Variants in SULT1E1 observed in about 807,000 individuals in gnomAD.
The protein encoded by SULT1E1 is sulfotransferase 1E1.
In SULT1E1, 36 loss-of-function variants were observed where a neutral mutation model predicts 33.6. The observed-to-expected ratio is 1.07, with a 90% CI of 0.82 to 1.41. The LOEUF is 1.41. Among genes scored for constraint, SULT1E1 ranks in the 40% most tolerant of loss-of-function variants. The pLI is 0.00. For missense variants in SULT1E1, 371 were observed against 345.7 expected, an observed-to-expected ratio of 1.07 and a Z score of -0.58; for synonymous variants, 121 against 111.7, an observed-to-expected ratio of 1.08 and a Z score of -0.53.
chr4:69,853,316 A>G (rs1224613691), intron 4 of SULT1E1, among the ~76,000 whole-genome samples: 4 of 152,118 alleles, frequency 2.6e-5, no homozygotes, highest in Non-Finnish European at 5.9e-5. Context: ...GACAGTGTAA[A>G]CCGTCAGCTT....
chr4:69,837,199 T>C (rs1383925196), downstream of SULT1E1, among the ~76,000 whole-genome samples: 3 of 152,186 alleles, frequency 2.0e-5, no homozygotes, highest in Non-Finnish European at 4.4e-5. Flanking sequence ...ATGTGTGATT[T>C]TTGGATAATT....
the SULT1E1 span, among the ~76,000 whole-genome samples, chr4:69,827,411 C>A: frequency 2.6e-5 from 4 of 152,128 alleles, no homozygotes; most frequent in Non-Finnish European, 5.9e-5. Flanking sequence ...TCGCAAACAT[C>A]TGTTGACCCG....
downstream of SULT1E1, among the ~76,000 whole-genome samples, chr4:69,836,854 G>C (rs1720805231): frequency 6.6e-6 from 1 of 150,902 alleles, no homozygotes; most frequent in African/African-American, 2.5e-5. Flanking sequence ...ATTGGAGATT[G>C]AAATATAGAC....
rs781312745 is a variant in SULT1E1, at chr4:69,849,569, AG to A, written c.370-7del. On this transcript the variant is annotated splice_region_variant and splice_polypyrimidine_tract_variant and intron_variant, in intron 4 of 7. Transcript: ENST00000226444. Reference sequence around the variant, plus strand: ...TTCCGGCAAAGATAGATTATCTAAGAGGATGAAATTGTATATTAAACCACTT... The same window carrying A: ...TTCCGGCAAAGATAGATTATCTAAGAGATGAAATTGTATATTAAACCACTT... The A allele has an allele frequency of 1.3e-6, 2 of 1,590,260 alleles. No individual in the cohort carries two copies. The highest frequency in any genetic ancestry group is 2.3e-5 in the South Asian group (2 of 87,076).
chr4:69,835,793 T>G, the SULT1E1 span, among the ~76,000 whole-genome samples: 7 of 152,162 alleles, frequency 4.6e-5, no homozygotes, highest in Admixed American at 1.3e-4. Context: ...TTTATTTATT[T>G]ATGTTATTTT....
intron 4 of SULT1E1, among the ~76,000 whole-genome samples, chr4:69,851,383 T>A (rs1721100431): frequency 6.6e-6 from 1 of 152,146 alleles, no homozygotes; most frequent in Non-Finnish European, 1.5e-5. Context: ...ATGCTCAGCA[T>A]CACTGGCCAT....
chr4:69,827,714 T>C, the SULT1E1 span, among the ~76,000 whole-genome samples: 2 of 152,158 alleles, frequency 1.3e-5, no homozygotes, highest in East Asian at 1.9e-4. Context: ...TGTTCTATAA[T>C]AGGGCCAAGA....
chr4:69,844,259 T>C lies in SULT1E1; in HGVS notation c.674A>G (p.His225Arg). The change falls in exon 7 of 8, where the codon CAT becomes CGT. Residue 225 changes from histidine to arginine, a missense_variant. Physicochemically the swap from His to Arg is conservative, Grantham distance 29. Coordinates refer to ENST00000226444, the MANE Select transcript of SULT1E1 (RefSeq NM_005420.3). ...GTTCTTCATCTCTTGGAACGAAGTATGATGTATAATCCTGTCCACAAGCTC... is the reference window on the plus strand; with the variant it reads ...GTTCTTCATCTCTTGGAACGAAGTACGATGTATAATCCTGTCCACAAGCTC... Reference protein sequence around the residue: ...SEELVDRIIHHTSFQEMKNNP... With the variant: ...SEELVDRIIHRTSFQEMKNNP... 6.2e-7 allele frequency: 1 copy of C among 1,613,924 alleles called. No homozygotes were observed. Among genetic ancestry groups the C allele is most frequent in the Non-Finnish European group, 8.5e-7 (1 of 1,179,828 alleles).
Position 69,841,850 on chromosome 4 carries a change from A to AAC in SULT1E1, c.*143_*144insGT. 3.7e-6 allele frequency: 2 copies of AAC among 535,838 alleles called. No homozygotes were observed. The highest frequency in any genetic ancestry group is 6.4e-6 in the Non-Finnish European group (2 of 313,620). The allele number at this position is 535,838 out of a possible 1,614,324, so 33.2% of individuals were successfully genotyped here. ...AGTGAGACTCTGTCTCAAAAAAAAAAAAAAAAAGTTAAACAAAAATTTAAA... is the reference window on the plus strand; with the variant it reads ...AGTGAGACTCTGTCTCAAAAAAAAAAACAAAAAAAGTTAAACAAAAATTTAAA... On this transcript the variant is annotated 3_prime_UTR_variant, in exon 8 of 8. Transcript: ENST00000226444.
the SULT1E1 span, among the ~76,000 whole-genome samples, chr4:69,821,430 G>A: frequency 1.4e-4 from 22 of 152,278 alleles, no homozygotes; most frequent in Admixed American, 7.2e-4. Flanking sequence ...CATAAAACAT[G>A]GAGCAACATT....
At chr4:69,855,462 C>T (rs1296790496) in intron 2 of SULT1E1, 36 bp from the exon 3 acceptor site, 2 of 1,587,690 alleles carry the variant, frequency 1.3e-6, no homozygotes, top group South Asian at 2.3e-5. Flanking sequence ...CTCCTGCTGA[C>T]CCTGTAGAGT....
intron 3 of SULT1E1, among the ~76,000 whole-genome samples, chr4:69,854,988 T>A (rs1357586066): frequency 1.3e-5 from 2 of 152,024 alleles, no homozygotes; most frequent in African/African-American, 2.4e-5. Flanking sequence ...CATTGAAAAA[T>A]TTATGGGTAT....
intron 4 of SULT1E1, among the ~76,000 whole-genome samples, chr4:69,852,851 G>A (rs11573766): frequency 0.078 from 11,882 of 152,150 alleles, 561 homozygotes; most frequent in African/African-American, 0.13. Flanking sequence ...CATTTGAGAA[G>A]TAAGGAGTTA....
chr4:69,846,590 A>G (rs1206995808), intron 6 of SULT1E1, among the ~76,000 whole-genome samples: 1 of 151,638 alleles, frequency 6.6e-6, no homozygotes, highest in Non-Finnish European at 1.5e-5. Flanking sequence ...TTGAATATCT[A>G]ACCTAATGTA....
At chr4:69,853,005 A>G (rs1193557010) in intron 4 of SULT1E1, among the ~76,000 whole-genome samples, 1 of 152,170 alleles carries the variant, frequency 6.6e-6, no homozygotes, top group Non-Finnish European at 1.5e-5. Flanking sequence ...CTTCAGCAGG[A>G]CGTATATCGT....
At chr4:69,844,621 A>T (rs1720938731) in intron 6 of SULT1E1, among the ~76,000 whole-genome samples, 1 of 152,126 alleles carries the variant, frequency 6.6e-6, no homozygotes, top group South Asian at 2.1e-4. Flanking sequence ...CACTTAATAG[A>T]TGTTGTCTAT....
At chr4:69,856,935 CAAAAAAAA>C (rs11464421) in intron 2 of SULT1E1, among the ~76,000 whole-genome samples, 11 of 59,230 alleles carry the variant, frequency 1.9e-4, no homozygotes, top group African/African-American at 6.5e-4. Flanking sequence ...GACTCCGTCT[CAAAAAAAA>C]AAAAAAAAAA....
intron 5 of SULT1E1, 100 bp downstream of exon 5, chr4:69,849,337 G>T: frequency 1.4e-6 from 2 of 1,381,430 alleles, no homozygotes; most frequent in Non-Finnish European, 2.0e-6. Flanking sequence ...TATGAATCAG[G>T]GAAGAAAACG....
At chr4:69,835,897 G>T in the SULT1E1 span, among the ~76,000 whole-genome samples, 2 of 152,030 alleles carry the variant, frequency 1.3e-5, no homozygotes, top group South Asian at 4.1e-4. Flanking sequence ...TCCCTCCTTG[G>T]CGTCCCAGTG....
Sources: allele counts gnomAD v4.1 joint callset (sites outside exome capture counted in the v4.1 genomes callset), GRCh38; gene constraint gnomAD v4.1.1; transcripts MANE v1.5; gene names NCBI Gene and HGNC (gene_info 2026-07-23, HGNC 2026-07-21).